Variants in PPM1H observed in about 807,000 individuals in gnomAD.
The protein encoded by PPM1H is protein phosphatase, Mg2+/Mn2+ dependent 1H.
In PPM1H, 27 loss-of-function variants were observed where a neutral mutation model predicts 54.9. That is an observed-to-expected ratio of 0.49 (90% CI 0.36 to 0.68). The LOEUF (loss-of-function observed/expected upper bound fraction) is 0.68. Among genes scored for constraint, PPM1H ranks in the 30% least tolerant of loss-of-function variants. The pLI, the probability that PPM1H is intolerant of heterozygous loss-of-function variation, is 0.00. For missense variants in PPM1H, 596 were observed against 667.8 expected, an observed-to-expected ratio of 0.89 and a Z score of 1.19; for synonymous variants, 305 against 270.8, an observed-to-expected ratio of 1.13 and a Z score of -1.24.
intron 9 of PPM1H, among the ~76,000 whole-genome samples, chr12:62,662,859 CCT>C (rs1441006435): frequency 1.4e-4 from 21 of 152,174 alleles, no homozygotes; most frequent in African/African-American, 5.1e-4. Context: ...TGCCTCTTCT[CCT>C]CTCAAAGTAA....
chr12:62,855,802 G>A (rs1869362598), intron 1 of PPM1H, among the ~76,000 whole-genome samples: 1 of 152,104 alleles, frequency 6.6e-6, no homozygotes, highest in Non-Finnish European at 1.5e-5. Context: ...CACTGATTTT[G>A]AGCTTATTGG....
intron 2 of PPM1H, among the ~76,000 whole-genome samples, chr12:62,821,465 T>G (rs1038762706): frequency 6.6e-6 from 1 of 151,908 alleles, no homozygotes; most frequent in Admixed American, 6.6e-5. Context: ...CAAGACACAT[T>G]AATTGTCAGA....
At chr12:62,891,071 T>C (rs1190351296) in intron 1 of PPM1H, among the ~76,000 whole-genome samples, 1 of 135,806 alleles carries the variant, frequency 7.4e-6, no homozygotes, top group Non-Finnish European at 1.5e-5. Flanking sequence ...ATCACGCCAT[T>C]GCACTCCAGT....
rs1868613694 is a variant in PPM1H, at chr12:62,838,936, A to AAG, written c.246-6658_246-6657insCT. On this transcript the variant is annotated intron_variant, in intron 1 of 9. Coordinates refer to ENST00000228705, the MANE Select transcript of PPM1H (RefSeq NM_020700.2). ...ACTCCGTCTCAAAAAAAAAAAAAAA[A>AAG]AAAAAAAAAAAAAAAGAATAATAGC... Among the ~76,000 whole-genome samples the AAG allele has an allele frequency of 2.0e-5, 2 of 100,876 alleles. 1 individual carries two copies. Among genetic ancestry groups the AAG allele is most frequent in the Non-Finnish European group, 4.0e-5 (2 of 49,668 alleles). The allele number at this position is 100,876 out of a possible 152,430, so 66.2% of individuals were successfully genotyped here. A position where few individuals can be genotyped will look rare whatever the true frequency, so the allele number is the denominator to read the frequency against.
At chr12:62,793,073 G>C (rs921338914) in intron 3 of PPM1H, among the ~76,000 whole-genome samples, 3 of 152,152 alleles carry the variant, frequency 2.0e-5, no homozygotes, top group African/African-American at 7.2e-5. Flanking sequence ...TTTGTGCTAA[G>C]CAAGGACTGA....
At chr12:62,902,704 T>G (rs1267960546) in intron 1 of PPM1H, among the ~76,000 whole-genome samples, 2 of 152,248 alleles carry the variant, frequency 1.3e-5, no homozygotes, top group African/African-American at 4.8e-5. Context: ...ACTTCAAGGA[T>G]TAATTAAAAT....
chr12:62,759,975 G>A (rs1418784398), intron 4 of PPM1H, among the ~76,000 whole-genome samples: 1 of 151,854 alleles, frequency 6.6e-6, no homozygotes, highest in African/African-American at 2.4e-5. Flanking sequence ...CTTTAAACTT[G>A]CCTCCTTCAC....
chr12:62,694,395 T>C (rs1329504445), intron 6 of PPM1H, among the ~76,000 whole-genome samples: 2 of 152,224 alleles, frequency 1.3e-5, no homozygotes, highest in African/African-American at 4.8e-5. Context: ...AGTTCTCACC[T>C]TCAGGGGTTG....
chr12:62,660,173 CTT>C (rs749076046), intron 9 of PPM1H, among the ~76,000 whole-genome samples: 6 of 152,304 alleles, frequency 3.9e-5, no homozygotes, highest in Non-Finnish European at 8.8e-5. Flanking sequence ...ACTGAGCTCT[CTT>C]TGTCCATGAG....
At chr12:62,869,756 A>G (rs545154842) in intron 1 of PPM1H, among the ~76,000 whole-genome samples, 2 of 152,190 alleles carry the variant, frequency 1.3e-5, no homozygotes, top group East Asian at 3.8e-4. Flanking sequence ...TGCCTCCATC[A>G]CAGCCTCAAG....
chr12:62,709,210 A>G (rs1277226150), intron 6 of PPM1H, among the ~76,000 whole-genome samples: 1 of 152,172 alleles, frequency 6.6e-6, no homozygotes, highest in Non-Finnish European at 1.5e-5. Context: ...AAGGGCTAAA[A>G]CATTGAAACG....
intron 1 of PPM1H, among the ~76,000 whole-genome samples, chr12:62,891,841 T>C (rs1274825320): frequency 6.6e-6 from 1 of 152,218 alleles, no homozygotes; most frequent in Non-Finnish European, 1.5e-5. Context: ...ACCTATATAC[T>C]GGGTGAGTTA....
chr12:62,912,932 G>A (rs1367473924), intron 1 of PPM1H, among the ~76,000 whole-genome samples: 9 of 152,130 alleles, frequency 5.9e-5, no homozygotes, highest in Non-Finnish European at 4.4e-5. Flanking sequence ...CCACAGGCAC[G>A]GAGTATCCAC....
At chr12:62,653,669 G>C (rs1008055815) in intron 9 of PPM1H, among the ~76,000 whole-genome samples, 7 of 152,220 alleles carry the variant, frequency 4.6e-5, no homozygotes, top group African/African-American at 1.7e-4. Flanking sequence ...TTGTTCACAT[G>C]TGCCCTGGGT....
intron 2 of PPM1H, among the ~76,000 whole-genome samples, chr12:62,813,221 A>G (rs1375832062): frequency 6.6e-6 from 1 of 152,202 alleles, no homozygotes; most frequent in Non-Finnish European, 1.5e-5. Flanking sequence ...TATTTGTTCC[A>G]GCTTAAGGAA....
intron 6 of PPM1H, among the ~76,000 whole-genome samples, chr12:62,705,360 G>A (rs74098813): frequency 0.011 from 1,677 of 152,276 alleles, 28 homozygotes; most frequent in African/African-American, 0.038. Context: ...GGGTTCTATT[G>A]GATTCATTTG....
At chr12:62,744,897 A>T (rs940098932) in intron 4 of PPM1H, among the ~76,000 whole-genome samples, 4 of 152,118 alleles carry the variant, frequency 2.6e-5, no homozygotes, top group African/African-American at 7.2e-5. Context: ...CGGTCCACAA[A>T]ATGGCAAAGC....
intron 1 of PPM1H, among the ~76,000 whole-genome samples, chr12:62,846,245 T>C (rs1345308008): frequency 2.0e-5 from 3 of 152,154 alleles, no homozygotes; most frequent in Non-Finnish European, 4.4e-5. Context: ...ACGCCTGTAA[T>C]CCCAGCACTT....
chr12:62,699,406 C>T (rs2076131504), intron 6 of PPM1H, among the ~76,000 whole-genome samples: 1 of 152,134 alleles, frequency 6.6e-6, no homozygotes, highest in African/African-American at 2.4e-5. Flanking sequence ...CCATGTTAGC[C>T]AGGCTGGTAT....
Sources: allele counts gnomAD v4.1 joint callset (sites outside exome capture counted in the v4.1 genomes callset), GRCh38; gene constraint gnomAD v4.1.1; transcripts MANE v1.5; gene names NCBI Gene and HGNC (gene_info 2026-07-23, HGNC 2026-07-21).